Variants in MRPS27 observed in about 807,000 individuals in gnomAD.
MRPS27 encodes mitochondrial ribosomal protein S27.
A neutral mutation model predicts 48.9 loss-of-function variants in MRPS27; 43 were observed. The observed-to-expected ratio is 0.88, with a 90% CI of 0.69 to 1.13. The LOEUF is 1.13. Among genes scored for constraint, MRPS27 ranks in the 50% most tolerant of loss-of-function variants. The pLI is 0.00. For missense variants in MRPS27, 467 were observed against 476.3 expected (o/e 0.98, Z 0.18); for synonymous variants, 188 against 171.9 (o/e 1.09, Z -0.73).
At chr5:72,291,894 C>T (rs567028511) in intron 4 of MRPS27, among the ~76,000 whole-genome samples, 1 of 152,330 alleles carries the variant, frequency 6.6e-6, no homozygotes, top group African/African-American at 2.4e-5. Flanking sequence ...TCTCAGAAGA[C>T]AGCTTGAAAA....
intron 4 of MRPS27, among the ~76,000 whole-genome samples, chr5:72,291,760 G>A (rs1749825654): frequency 6.6e-6 from 1 of 152,226 alleles, no homozygotes; most frequent in Non-Finnish European, 1.5e-5. Context: ...TGGAGGCACA[G>A]TTTCTCTGGC....
At chr5:72,223,591 G>T in intron 10 of MRPS27, 92 bp downstream of exon 10, 1 of 1,440,294 alleles carries the variant, frequency 6.9e-7, no homozygotes, top group Non-Finnish European at 9.5e-7. Context: ...CTCTTTGTGT[G>T]ACATTGATGC....
chr5:72,309,628 C>A (rs569515119), intron 2 of MRPS27, among the ~76,000 whole-genome samples: 1 of 152,240 alleles, frequency 6.6e-6, no homozygotes, highest in Admixed American at 6.5e-5. Context: ...TGACAATGTT[C>A]CCTGGATTTG....
At chr5:72,268,344 G>A (rs144367149) in intron 4 of MRPS27, among the ~76,000 whole-genome samples, 73 of 152,148 alleles carry the variant, frequency 4.8e-4, no homozygotes, top group Middle Eastern at 3.4e-3. Flanking sequence ...ACAAATACTC[G>A]GCAACATTTG....
At chr5:72,318,240 AT>A (rs1580124962) in intron 1 of MRPS27, among the ~76,000 whole-genome samples, 1 of 152,216 alleles carries the variant, frequency 6.6e-6, no homozygotes, top group East Asian at 1.9e-4. Context: ...CTGTTGTATT[AT>A]TTTTTATTGT....
chr5:72,304,356 G>T (rs925174088), intron 2 of MRPS27, among the ~76,000 whole-genome samples: 1 of 152,058 alleles, frequency 6.6e-6, no homozygotes, highest in Non-Finnish European at 1.5e-5. Flanking sequence ...AATTATATTG[G>T]TAATCATGAA....
At chr5:72,303,230 G>A (rs1750168778) in intron 2 of MRPS27, among the ~76,000 whole-genome samples, 1 of 152,182 alleles carries the variant, frequency 6.6e-6, no homozygotes, top group South Asian at 2.1e-4. Context: ...ATATACACCT[G>A]TACATTGGTC....
At chr5:72,302,339 A>G (rs1417416381) in intron 2 of MRPS27, among the ~76,000 whole-genome samples, 1 of 152,180 alleles carries the variant, frequency 6.6e-6, no homozygotes, top group East Asian at 1.9e-4. Flanking sequence ...CTTTTCACCC[A>G]GAGGGAGACT....
At chr5:72,266,309 G>A (rs1033231329) in intron 4 of MRPS27, among the ~76,000 whole-genome samples, 2 of 152,134 alleles carry the variant, frequency 1.3e-5, no homozygotes, top group African/African-American at 4.8e-5. Flanking sequence ...CATCCGTAAC[G>A]TGGTGAAGTA....
chr5:72,258,037 C>T (rs1748858053), intron 4 of MRPS27, among the ~76,000 whole-genome samples: 1 of 140,608 alleles, frequency 7.1e-6, no homozygotes, highest in African/African-American at 2.7e-5. Context: ...TGAGCCACGA[C>T]AGGGCCACTG....
intron 1 of MRPS27, 181 bp from the exon 2 acceptor site, chr5:72,314,339 A>G (rs1456845415): frequency 2.3e-6 from 1 of 443,748 alleles, no homozygotes; most frequent in East Asian, 3.3e-5. Flanking sequence ...AATGCATTCA[A>G]CCCCTAACAA....
At chr5:72,221,425 TA>T (rs1747738862) in intron 10 of MRPS27, among the ~76,000 whole-genome samples, 1 of 152,200 alleles carries the variant, frequency 6.6e-6, no homozygotes, top group Non-Finnish European at 1.5e-5. Context: ...GCAATTTTGC[TA>T]AGATGCACCA....
Position 72,220,758 on chromosome 5 carries a change from G to T in MRPS27, c.*151C>A. The T allele has an allele frequency of 8.5e-7, 1 of 1,174,322 alleles. No homozygotes were observed. The highest frequency in any genetic ancestry group is 3.0e-4 in the Middle Eastern group (1 of 3,364). The allele number at this position is 1,174,322 out of a possible 1,614,324, so 72.7% of individuals were successfully genotyped here. A position where few individuals can be genotyped will look rare whatever the true frequency, so the allele number is the denominator to read the frequency against. ...GCCCTTCTTGGCATCTCGATGGGCA[G>T]TCATGGTGCCTTGCCATGTAGGGCA... On this transcript the variant is annotated 3_prime_UTR_variant, in exon 11 of 11. Transcript: ENST00000261413.
intron 4 of MRPS27, among the ~76,000 whole-genome samples, chr5:72,244,313 A>G (rs1200298326): frequency 1.3e-5 from 2 of 152,186 alleles, no homozygotes; most frequent in Non-Finnish European, 2.9e-5. Flanking sequence ...ATGAAGATAG[A>G]TAACAGAGGG....
rs184816311 is a variant in MRPS27, at chr5:72,280,754, G to A, written c.281+14777C>T. The stretch of plus-strand genomic sequence containing the variant: ...AGACCTCTCTTTTTGTGTCTAATCT[G>A]TATTTTGATTATTGATTCAATAACA... On this transcript the variant is annotated intron_variant, in intron 4 of 10. Coordinates refer to ENST00000261413, the MANE Select transcript of MRPS27 (RefSeq NM_015084.3). 1.9e-4 allele frequency among the ~76,000 whole-genome samples: 29 copies of A among 152,276 alleles called. No individual in the cohort carries two copies. In the East Asian group the frequency reaches 5.4e-3, roughly 28 times the overall value.
At chr5:72,256,818 A>G (rs978262413) in intron 4 of MRPS27, among the ~76,000 whole-genome samples, 4 of 152,234 alleles carry the variant, frequency 2.6e-5, no homozygotes, top group African/African-American at 9.6e-5. Context: ...TCAGATCTCC[A>G]GAGTAAGAGG....
chr5:72,307,046 A>T (rs916303055), intron 2 of MRPS27, among the ~76,000 whole-genome samples: 19 of 152,210 alleles, frequency 1.2e-4, no homozygotes, highest in Non-Finnish European at 4.4e-5. Flanking sequence ...ATAAAAAAAA[A>T]AATTTGAGAG....
chr5:72,264,295 T>C (rs1287007630), intron 4 of MRPS27, among the ~76,000 whole-genome samples: 3 of 152,176 alleles, frequency 2.0e-5, no homozygotes, highest in African/African-American at 7.2e-5. Flanking sequence ...GTAATAAAAA[T>C]ACTTTAGAAA....
chr5:72,269,676 T>C (rs558406908), intron 4 of MRPS27, among the ~76,000 whole-genome samples: 2 of 152,324 alleles, frequency 1.3e-5, no homozygotes, highest in African/African-American at 2.4e-5. Context: ...GGCATTAGGA[T>C]AGCTGGGTAG....
Sources: allele counts gnomAD v4.1 joint callset (sites outside exome capture counted in the v4.1 genomes callset), GRCh38; gene constraint gnomAD v4.1.1; transcripts MANE v1.5; gene names NCBI Gene and HGNC (gene_info 2026-07-23, HGNC 2026-07-21).